CCDC73: variants seen among roughly 807,000 people sequenced by gnomAD.
CCDC73 encodes the protein coiled-coil domain-containing protein 73.
CCDC73 carries 95 observed loss-of-function variants against 116.5 expected under a neutral mutation model. That is an observed-to-expected ratio of 0.82 (90% CI 0.69 to 0.97). The LOEUF (loss-of-function observed/expected upper bound fraction) is 0.97, where lower values mean the gene tolerates loss of function less well. Among genes scored for constraint, CCDC73 ranks in the 50% least tolerant of loss-of-function variants. The pLI, the probability that CCDC73 is intolerant of heterozygous loss-of-function variation, is 0.00. For synonymous variants in CCDC73, 398 were observed against 401.3 expected (o/e 0.99, Z 0.10); for missense variants, 1,066 against 1,206.8 (o/e 0.88, Z 1.73).
intron 7 of CCDC73, among the ~76,000 whole-genome samples, chr11:32,679,186 G>T (rs1280508219): frequency 6.6e-6 from 1 of 151,944 alleles, no homozygotes; most frequent in Non-Finnish European, 1.5e-5. Flanking sequence ...ATGCCTACCT[G>T]GGTAGTTACT....
intron 7 of CCDC73, among the ~76,000 whole-genome samples, chr11:32,678,298 A>C (rs1856109932): frequency 6.6e-6 from 1 of 152,070 alleles, no homozygotes; most frequent in Non-Finnish European, 1.5e-5. Context: ...AAAGAAAAGA[A>C]AAACCAAAGT....
At chr11:32,691,892 C>A (rs569121189) in intron 6 of CCDC73, among the ~76,000 whole-genome samples, 6 of 151,754 alleles carry the variant, frequency 4.0e-5, no homozygotes, top group African/African-American at 9.7e-5. Context: ...ACTAAAAATA[C>A]AAAAAATTAG....
At chr11:32,709,119 C>A (rs1462333740) in intron 3 of CCDC73, among the ~76,000 whole-genome samples, 1 of 152,112 alleles carries the variant, frequency 6.6e-6, no homozygotes, top group African/African-American at 2.4e-5. Flanking sequence ...TAAAGGGATG[C>A]TGGATTTTGC....
At chr11:32,774,263 CT>C (rs11327189) in intron 1 of CCDC73, among the ~76,000 whole-genome samples, 89,470 of 151,816 alleles carry the variant, frequency 0.59, 26,661 homozygotes, top group East Asian at 0.84. Context: ...AGTCTTATTC[CT>C]TGCCTTACAA....
intron 14 of CCDC73, among the ~76,000 whole-genome samples, chr11:32,626,373 A>G (rs11031907): frequency 0.43 from 65,360 of 151,278 alleles, 14,521 homozygotes; most frequent in African/African-American, 0.49. Flanking sequence ...GGTAGGAATA[A>G]TCAATATCGT....
At chr11:32,629,418 C>CA (rs1243418880) in intron 14 of CCDC73, among the ~76,000 whole-genome samples, 3,771 of 142,508 alleles carry the variant, frequency 0.026, 62 homozygotes, top group South Asian at 0.039. Context: ...TATAAAGACA[C>CA]TTTTTTTTTT....
chr11:32,617,460 A>G (rs1009390863), intron 14 of CCDC73, among the ~76,000 whole-genome samples: 1 of 152,208 alleles, frequency 6.6e-6, no homozygotes, highest in Non-Finnish European at 1.5e-5. Context: ...CCACCAAACT[A>G]ATTTCCATGA....
At chr11:32,607,374 G>T (rs548202048) in intron 17 of CCDC73, among the ~76,000 whole-genome samples, 2 of 152,056 alleles carry the variant, frequency 1.3e-5, no homozygotes, top group Non-Finnish European at 2.9e-5. Flanking sequence ...TTACAGGCGT[G>T]AGCCACCGCG....
chr11:32,729,309 C>G (rs1478609448), intron 2 of CCDC73, among the ~76,000 whole-genome samples: 1 of 152,170 alleles, frequency 6.6e-6, no homozygotes, highest in African/African-American at 2.4e-5. Flanking sequence ...CTGAGGATAA[C>G]AGCTTCCAGC....
intron 2 of CCDC73, among the ~76,000 whole-genome samples, chr11:32,737,234 T>C (rs1362234232): frequency 2.2e-5 from 1 of 44,916 alleles, no homozygotes; most frequent in Non-Finnish European, 3.8e-5. Flanking sequence ...AGTAGGGCTG[T>C]GTGTGTGTGT....
chr11:32,774,276 G>C (rs1850513974), intron 1 of CCDC73, among the ~76,000 whole-genome samples: 1 of 152,054 alleles, frequency 6.6e-6, no homozygotes, highest in Non-Finnish European at 1.5e-5. Context: ...GCCTTACAAA[G>C]TACCTGTTGT....
the CCDC73 span, among the ~76,000 whole-genome samples, chr11:32,804,723 G>C: frequency 6.6e-6 from 1 of 151,968 alleles, no homozygotes; most frequent in African/African-American, 2.4e-5. Flanking sequence ...TTTTATGATA[G>C]TCTCTAATGT....
chr11:32,686,209 CAAAAAAAAAAA>C (rs34582756), intron 6 of CCDC73, among the ~76,000 whole-genome samples: 2 of 56,860 alleles, frequency 3.5e-5, no homozygotes, highest in African/African-American at 1.6e-4. Context: ...GAGGGAAAGC[CAAAAAAAAAAA>C]AAAAAAAAAA....
At chr11:32,806,400 G>A in the CCDC73 span, among the ~76,000 whole-genome samples, 1 of 152,080 alleles carries the variant, frequency 6.6e-6, no homozygotes, top group Admixed American at 6.6e-5. Flanking sequence ...CGGGTGGGGG[G>A]ATCCCTTGAG....
chr11:32,798,393 C>T (rs1406132773), upstream of CCDC73, among the ~76,000 whole-genome samples: 2 of 152,184 alleles, frequency 1.3e-5, no homozygotes, highest in African/African-American at 4.8e-5. Flanking sequence ...TCCTGGGCCC[C>T]AGGGGTTCTG....
chr11:32,660,255 A>C (rs984977935), intron 9 of CCDC73, among the ~76,000 whole-genome samples: 7 of 140,808 alleles, frequency 5.0e-5, no homozygotes, highest in Non-Finnish European at 4.7e-5. Flanking sequence ...AAAAAAAAAA[A>C]CAGGTTGGAT....
At chr11:32,798,572 C>G (rs1352599321), upstream of CCDC73, among the ~76,000 whole-genome samples, 5 of 152,250 alleles carry the variant, frequency 3.3e-5, no homozygotes, top group Non-Finnish European at 7.3e-5. Flanking sequence ...TCCCAAAGTG[C>G]TGGGATTACA....
chr11:32,626,453 C>A (rs1388122416), intron 14 of CCDC73, among the ~76,000 whole-genome samples: 1 of 152,024 alleles, frequency 6.6e-6, no homozygotes, highest in African/African-American at 2.4e-5. Flanking sequence ...CAATGACTTT[C>A]TTCACAGAAT....
chr11:32,695,350 C>T lies in CCDC73; in HGVS notation c.390+3901G>A, dbSNP rs185427835. 2.5e-4 allele frequency among the ~76,000 whole-genome samples: 37 copies of T among 147,474 alleles called. No individual in the cohort carries two copies. In the East Asian group the frequency reaches 6.7e-3, roughly 27 times the overall value. ...CGCCACTGCACTCCAGCCTGGGCAA[C>T]ACAGTGAGACTCCATCTCAAAAAAA... On this transcript the variant is annotated intron_variant, in intron 6 of 17. Transcript: ENST00000335185.
Sources: allele counts gnomAD v4.1 joint callset (sites outside exome capture counted in the v4.1 genomes callset), GRCh38; gene constraint gnomAD v4.1.1; transcripts MANE v1.5; gene names NCBI Gene and HGNC (gene_info 2026-07-23, HGNC 2026-07-21).